Variants in FTCDNL1 observed in about 807,000 individuals in gnomAD.
FTCDNL1 encodes the protein formiminotransferase cyclodeaminase N-terminal like.
FTCDNL1 carries 11 observed loss-of-function variants against 5.9 expected under a neutral mutation model. The observed-to-expected ratio is 1.87, with a 90% CI of 1.18 to 3.10. The LOEUF (loss-of-function observed/expected upper bound fraction) is 3.10. FTCDNL1 is among the 30% of genes most tolerant of loss of function. The probability of loss-of-function intolerance (pLI) is 0.00; values close to 1 mark genes in which losing one functional copy is unlikely to be tolerated. For synonymous variants in FTCDNL1, 58 were observed against 24.8 expected (o/e 2.34, Z -3.99); for missense variants, 115 against 65.5 (o/e 1.76, Z -2.61).
At chr2:199,842,347 T>G (rs1302742869) in intron 3 of FTCDNL1, among the ~76,000 whole-genome samples, 3 of 152,170 alleles carry the variant, frequency 2.0e-5, no homozygotes, top group Admixed American at 6.5e-5. Flanking sequence ...TTCCCAGGAA[T>G]GTGTTTCCCA....
chr2:199,757,307 G>GA (rs147979512), downstream of FTCDNL1, among the ~76,000 whole-genome samples: 4,460 of 151,904 alleles, frequency 0.029, 127 homozygotes, highest in East Asian at 0.16. Context: ...AAACAAATAG[G>GA]AAAAAAAATC....
intron 3 of FTCDNL1, among the ~76,000 whole-genome samples, chr2:199,777,527 A>C (rs2106314243): frequency 6.6e-6 from 1 of 152,260 alleles, no homozygotes; most frequent in Middle Eastern, 3.4e-3. Flanking sequence ...CAAACTATGG[A>C]GGGTCCTCTG....
At chr2:199,772,673 T>C (rs938968503) in intron 3 of FTCDNL1, among the ~76,000 whole-genome samples, 2 of 152,114 alleles carry the variant, frequency 1.3e-5, no homozygotes, top group African/African-American at 2.4e-5. Flanking sequence ...GCCATCAATA[T>C]AGTGGATCAA....
intron 3 of FTCDNL1, chr2:199,760,934 G>C (rs1218008323): frequency 2.9e-6 from 2 of 693,018 alleles, no homozygotes; most frequent in East Asian, 2.7e-5. Flanking sequence ...TTGCTTCACT[G>C]TCTGGCTGAC....
At chr2:199,837,977 T>C (rs1702872075) in intron 3 of FTCDNL1, among the ~76,000 whole-genome samples, 2 of 152,174 alleles carry the variant, frequency 1.3e-5, no homozygotes, top group African/African-American at 2.4e-5. Flanking sequence ...GGTAAGCCTA[T>C]TTTCACCGTC....
rs186145811 is a variant in FTCDNL1, at chr2:199,840,252, T to C, written c.211+5823A>G. ...TGGAGCTAAACCAGTGGTAAGTATA[T>C]AAAACTCTAAGCAAACAAATTATCA... On this transcript the variant is annotated intron_variant, in intron 3 of 4. Coordinates refer to ENST00000420128, the MANE Select transcript of FTCDNL1 (RefSeq NM_001363886.2). 3.6e-3 allele frequency among the ~76,000 whole-genome samples: 541 copies of C among 152,294 alleles called. 4 individuals are homozygous for C. Among genetic ancestry groups the C allele is most frequent in the African/African-American group, 0.012 (502 of 41,558 alleles).
chr2:199,826,743 G>A (rs571852952), intron 3 of FTCDNL1, among the ~76,000 whole-genome samples: 298 of 152,252 alleles, frequency 2.0e-3, no homozygotes, highest in Non-Finnish European at 3.6e-3. Flanking sequence ...GCAGTGAGCC[G>A]AGATTGCGCC....
intron 3 of FTCDNL1, among the ~76,000 whole-genome samples, chr2:199,787,887 G>A (rs1007421740): frequency 6.6e-6 from 1 of 152,062 alleles, no homozygotes; most frequent in African/African-American, 2.4e-5. Flanking sequence ...ATATGAACAC[G>A]TACTTTTCCG....
chr2:199,757,044 C>A (rs192573511), downstream of FTCDNL1, among the ~76,000 whole-genome samples: 3 of 152,124 alleles, frequency 2.0e-5, no homozygotes, highest in African/African-American at 7.2e-5. Flanking sequence ...ACAAAGAACA[C>A]GACTAGGAAA....
chr2:199,728,287 G>A, the FTCDNL1 span, among the ~76,000 whole-genome samples: 14 of 150,206 alleles, frequency 9.3e-5, no homozygotes, highest in African/African-American at 1.5e-4. Flanking sequence ...TTGCTCTGTC[G>A]CCCAGACTGG....
chr2:199,816,574 T>C (rs148166180), intron 4 of FTCDNL1, among the ~76,000 whole-genome samples: 1 of 152,288 alleles, frequency 6.6e-6, no homozygotes, highest in Non-Finnish European at 1.5e-5. Context: ...AAACAAAATA[T>C]GTACATATAT....
At chr2:199,820,756 GCTTTT>G (rs1701633441) in intron 3 of FTCDNL1, among the ~76,000 whole-genome samples, 1 of 152,140 alleles carries the variant, frequency 6.6e-6, no homozygotes, top group Non-Finnish European at 1.5e-5. Context: ...GAATTGCTGG[GCTTTT>G]CTAGATTACT....
At chr2:199,737,351 A>G in the FTCDNL1 span, among the ~76,000 whole-genome samples, 1 of 152,242 alleles carries the variant, frequency 6.6e-6, no homozygotes, top group Non-Finnish European at 1.5e-5. Context: ...AGGAAATTTC[A>G]GATAGGAGCC....
At chr2:199,704,429 G>A in the FTCDNL1 span, among the ~76,000 whole-genome samples, 2 of 152,074 alleles carry the variant, frequency 1.3e-5, no homozygotes, top group Non-Finnish European at 2.9e-5. Flanking sequence ...AGGGAAGACT[G>A]GGGGGAAGAG....
chr2:199,814,497 G>A (rs1025534019), intron 4 of FTCDNL1, among the ~76,000 whole-genome samples: 1 of 152,202 alleles, frequency 6.6e-6, no homozygotes, highest in Non-Finnish European at 1.5e-5. Context: ...TTTCAGAGTA[G>A]AAATAATTCA....
the FTCDNL1 span, among the ~76,000 whole-genome samples, chr2:199,702,502 A>C: frequency 6.6e-6 from 1 of 152,204 alleles, no homozygotes; most frequent in Non-Finnish European, 1.5e-5. Flanking sequence ...ATACTCAATA[A>C]ATAGTCTCCC....
At chr2:199,849,841 C>A (rs1030328370) in intron 1 of FTCDNL1, among the ~76,000 whole-genome samples, 5 of 152,138 alleles carry the variant, frequency 3.3e-5, no homozygotes, top group African/African-American at 1.2e-4. Flanking sequence ...AATACCATAA[C>A]TAAAAATAGA....
At chr2:199,800,222 G>C (rs1296021085) in intron 3 of FTCDNL1, among the ~76,000 whole-genome samples, 2 of 152,176 alleles carry the variant, frequency 1.3e-5, no homozygotes, top group African/African-American at 4.8e-5. Context: ...ACTTCAGAAA[G>C]GACAAACCTA....
chr2:199,815,448 C>T (rs539814928), intron 4 of FTCDNL1, among the ~76,000 whole-genome samples: 1 of 152,090 alleles, frequency 6.6e-6, no homozygotes, highest in South Asian at 2.1e-4. Context: ...ATTTCTATTT[C>T]ATTTTTGTAG....
Sources: gnomAD v4.1 joint callset for allele counts (sites outside exome capture counted in the v4.1 genomes callset) on GRCh38, gnomAD v4.1.1 for gene constraint, MANE v1.5 for transcripts, NCBI Gene and HGNC (gene_info 2026-07-23, HGNC 2026-07-21) for gene names.